The following CNKSR3 variants were observed in gnomAD, a reference collection of about 807,000 sequenced individuals.
CNKSR3 encodes connector enhancer of kinase suppressor of ras 3.
Under a neutral mutation model 67.7 loss-of-function variants are expected in CNKSR3, and 36 were observed. The ratio of observed to expected loss-of-function variants is 0.53; its 90% confidence interval spans 0.41 to 0.70. CNKSR3 has a LOEUF of 0.70. Among genes scored for constraint, CNKSR3 ranks in the 30% least tolerant of loss-of-function variants. CNKSR3 has a pLI of 0.00. For synonymous variants in CNKSR3, 281 were observed against 271.4 expected (o/e 1.04, Z -0.35); for missense variants, 630 against 695.2 (o/e 0.91, Z 1.05).
intron 1 of CNKSR3, among the ~76,000 whole-genome samples, chr6:154,466,270 A>G (rs1049792857): frequency 6.6e-6 from 1 of 152,194 alleles, no homozygotes; most frequent in Non-Finnish European, 1.5e-5. Context: ...GTACCTGTAT[A>G]TCCTAAGGGC....
At chr6:154,495,998 C>T (rs879259210) in intron 1 of CNKSR3, among the ~76,000 whole-genome samples, 3 of 152,062 alleles carry the variant, frequency 2.0e-5, no homozygotes, top group Non-Finnish European at 2.9e-5. Context: ...GAACAAACTC[C>T]CTAAAAGTCA....
intron 1 of CNKSR3, among the ~76,000 whole-genome samples, chr6:154,506,608 C>T (rs530556018): frequency 6.6e-5 from 10 of 152,332 alleles, no homozygotes; most frequent in African/African-American, 1.2e-4. Context: ...AAAATGAACA[C>T]CATGTGCCAG....
rs1044525974 is a variant in CNKSR3 at position 154,402,861 on chromosome 6, T to C, written c.*3493A>G. ...ACATATTTATATTTATACACACACA[T>C]ACAAAGTATGTGCCCTGCTTAGTAG... is the stretch of plus-strand genomic sequence containing the variant. On this transcript the variant is annotated 3_prime_UTR_variant, in exon 13 of 13. Coordinates refer to ENST00000607772, the MANE Select transcript of CNKSR3 (RefSeq NM_173515.4). The C allele has an allele frequency of 1.3e-5, 2 of 152,196 alleles. No individual in the cohort carries two copies. The highest frequency in any genetic ancestry group is 4.8e-5 in the African/African-American group (2 of 41,446). 9.4% of individuals were successfully genotyped at this position (152,196 alleles called of 1,614,324 possible).
chr6:154,508,182 T>C (rs1289280827), intron 1 of CNKSR3, among the ~76,000 whole-genome samples: 5 of 152,260 alleles, frequency 3.3e-5, no homozygotes, highest in African/African-American at 9.6e-5. Flanking sequence ...TGTGTTATTT[T>C]AGATTTTCTA....
chr6:154,436,768 AC>A (rs1382405640), intron 4 of CNKSR3, among the ~76,000 whole-genome samples: 3 of 152,222 alleles, frequency 2.0e-5, no homozygotes, highest in Non-Finnish European at 4.4e-5. Flanking sequence ...CACTGGAAAT[AC>A]AGATCTCAAT....
chr6:154,474,300 C>A (rs541171592), intron 1 of CNKSR3, among the ~76,000 whole-genome samples: 2 of 151,498 alleles, frequency 1.3e-5, no homozygotes, highest in Admixed American at 6.6e-5. Flanking sequence ...GTAGTCCCAG[C>A]TACTCGGGAG....
intron 3 of CNKSR3, among the ~76,000 whole-genome samples, chr6:154,441,624 C>G (rs1455774466): frequency 6.6e-6 from 1 of 152,086 alleles, no homozygotes; most frequent in Non-Finnish European, 1.5e-5. Flanking sequence ...GCTGGGATTA[C>G]AGGCATGTGC....
intron 7 of CNKSR3, among the ~76,000 whole-genome samples, chr6:154,427,046 G>A (rs1785271048): frequency 6.6e-6 from 1 of 152,138 alleles, no homozygotes. Flanking sequence ...GAGGTGACAT[G>A]GTATAAAAAC....
chr6:154,500,226 T>C (rs1240249060), intron 1 of CNKSR3, among the ~76,000 whole-genome samples: 1 of 151,488 alleles, frequency 6.6e-6, no homozygotes, highest in Non-Finnish European at 1.5e-5. Flanking sequence ...GCAAAATTGT[T>C]CAATTAATGC....
rs575105840 is a variant in CNKSR3, at chr6:154,455,085, T to G, written c.53-4827A>C. Among the ~76,000 whole-genome samples, 516 of 147,880 alleles carry G rather than the reference T, an allele frequency of 3.5e-3. 1 individual carries two copies. Among genetic ancestry groups the G allele is most frequent in the Non-Finnish European group, 5.3e-3 (357 of 67,306 alleles). ...GCACTTTGGGAGGCCAAGGAGGGTGTATCACTTGAGGTCAGGAGTTCGAGA... is the reference window on the plus strand; with the variant it reads ...GCACTTTGGGAGGCCAAGGAGGGTGGATCACTTGAGGTCAGGAGTTCGAGA... On this transcript the variant is annotated intron_variant, in intron 1 of 12. Transcript: ENST00000607772.
At chr6:154,497,911 C>A (rs1421860913) in intron 1 of CNKSR3, among the ~76,000 whole-genome samples, 1 of 152,156 alleles carries the variant, frequency 6.6e-6, no homozygotes, top group African/African-American at 2.4e-5. Flanking sequence ...ACCCCACTAA[C>A]CAGCACAGAG....
At chr6:154,424,371 T>A (rs1393971087) in intron 7 of CNKSR3, among the ~76,000 whole-genome samples, 1 of 152,226 alleles carries the variant, frequency 6.6e-6, no homozygotes, top group Non-Finnish European at 1.5e-5. Context: ...CATATATGAC[T>A]AAGAGAAGAA....
chr6:154,450,725 A>G (rs576859441), intron 1 of CNKSR3, among the ~76,000 whole-genome samples: 1 of 152,288 alleles, frequency 6.6e-6, no homozygotes, highest in South Asian at 2.1e-4. Flanking sequence ...AGGTTTAGGG[A>G]TGGACATGTG....
chr6:154,468,931 G>A (rs1786266951), intron 1 of CNKSR3, among the ~76,000 whole-genome samples: 1 of 152,190 alleles, frequency 6.6e-6, no homozygotes, highest in Non-Finnish European at 1.5e-5. Context: ...TAAAGTGGGA[G>A]GATCGCTTGA....
chr6:154,410,853 TC>T (rs1784894572), intron 11 of CNKSR3, 80 bp downstream of exon 11: 1 of 1,105,564 alleles, frequency 9.0e-7, no homozygotes, highest in Non-Finnish European at 1.3e-6. Flanking sequence ...GCCAAATTCA[TC>T]CAACAGTTCC....
intron 4 of CNKSR3, among the ~76,000 whole-genome samples, chr6:154,434,889 T>C (rs1785439702): frequency 6.6e-6 from 1 of 152,216 alleles, no homozygotes; most frequent in Non-Finnish European, 1.5e-5. Context: ...TCTGGCAGAC[T>C]TGTTAAACAC....
chr6:154,430,679 A>G (rs1785347657), intron 5 of CNKSR3, 88 bp from the exon 6 acceptor site: 3 of 1,291,104 alleles, frequency 2.3e-6, no homozygotes, highest in African/African-American at 1.5e-5. Context: ...CATTTCACCT[A>G]TAATTGTTAG....
At chr6:154,408,771 T>G (rs1677433851) in intron 12 of CNKSR3, among the ~76,000 whole-genome samples, 1 of 152,210 alleles carries the variant, frequency 6.6e-6, no homozygotes, top group South Asian at 2.1e-4. Context: ...CTGAATTTCA[T>G]GCAAAGAGTT....
intron 1 of CNKSR3, among the ~76,000 whole-genome samples, chr6:154,452,812 G>A (rs771916836): frequency 6.6e-6 from 1 of 152,176 alleles, no homozygotes; most frequent in Non-Finnish European, 1.5e-5. Flanking sequence ...AGAAAGATAC[G>A]TGAAGACACG....
Sources: allele counts gnomAD v4.1 joint callset (sites outside exome capture counted in the v4.1 genomes callset), GRCh38; gene constraint gnomAD v4.1.1; transcripts MANE v1.5; gene names NCBI Gene and HGNC (gene_info 2026-07-23, HGNC 2026-07-21).